Variants in EXOC5 observed in about 807,000 individuals in gnomAD.
EXOC5 encodes exocyst complex component 5.
A neutral mutation model predicts 90.8 loss-of-function variants in EXOC5; 17 were observed. The observed-to-expected ratio is 0.19, with a 90% confidence interval of 0.13 to 0.28. The LOEUF (loss-of-function observed/expected upper bound fraction) is 0.28, where lower values mean the gene tolerates loss of function less well. Among genes scored for constraint, EXOC5 ranks in the 10% least tolerant of loss-of-function variants. The pLI is 1.00. For missense variants in EXOC5, 569 were observed against 830.6 expected, an observed-to-expected ratio of 0.69 and a Z score of 3.87; for synonymous variants, 260 against 270.0, an observed-to-expected ratio of 0.96 and a Z score of 0.36.
At chr14:57,237,971 A>G (rs1883714807) in intron 5 of EXOC5, among the ~76,000 whole-genome samples, 1 of 152,050 alleles carries the variant, frequency 6.6e-6, no homozygotes. Context: ...ATTTTTTCAA[A>G]TCTCAAATAT....
chr14:57,208,474 G>A lies in EXOC5; in HGVS notation c.*135C>T, dbSNP rs1594643269. 1.7e-6 allele frequency: 1 copy of A among 572,378 alleles called. No individual in the cohort carries two copies. The highest frequency in any genetic ancestry group is 3.9e-5 in the South Asian group (1 of 25,392). The allele number at this position is 572,378 out of a possible 1,614,324, so 35.5% of individuals were successfully genotyped here. The stretch of plus-strand genomic sequence containing the variant: ...CAAAGGTAAGTATGGCTGCTGTTTT[G>A]TTCCAGTCATTGTTTCACAAAATGT... On this transcript the variant is annotated 3_prime_UTR_variant, in exon 18 of 18. Transcript: ENST00000621441.
At chr14:57,260,939 C>G (rs189819994) in intron 1 of EXOC5, among the ~76,000 whole-genome samples, 5 of 152,204 alleles carry the variant, frequency 3.3e-5, no homozygotes, top group African/African-American at 9.6e-5. Flanking sequence ...AATATTCTTA[C>G]AGGCATTTAA....
chr14:57,211,535 C>T (rs1882824783), intron 15 of EXOC5, among the ~76,000 whole-genome samples: 3 of 152,142 alleles, frequency 2.0e-5, no homozygotes, highest in Admixed American at 2.0e-4. Context: ...CTGGCAACAG[C>T]ATATACAGCA....
chr14:57,232,723 T>A lies in EXOC5; in HGVS notation c.882A>T (p.Glu294Asp), dbSNP rs1444544061. 2 of 1,543,588 alleles carry A rather than the reference T, an allele frequency of 1.3e-6. No individual in the cohort carries two copies. Among genetic ancestry groups the A allele is most frequent in the Non-Finnish European group, 1.8e-6 (2 of 1,127,066 alleles). ...LQSFVKEQLEECRKSDAEQYL... is the reference protein window; with the variant it reads ...LQSFVKEQLEDCRKSDAEQYL... ...ATTGCTCTGCATCGGACTTCCTACA[T>A]TCTTCTAACTGCTCTTTCACAAAAC... Residue 294 changes from glutamate (E) to aspartate (D), a missense_variant, in exon 10 of 18, where the codon GAA becomes GAT. This residue lies in a region of EXOC5 where 114 missense variants were observed against 111.2 expected (regional missense o/e 1.03). Coordinates refer to ENST00000621441, the MANE Select transcript of EXOC5 (RefSeq NM_006544.4).
chr14:57,231,499 TACTC>T lies in EXOC5; in HGVS notation c.1148+3_1148+6del. 6.3e-7 allele frequency: 1 copy of T among 1,589,380 alleles called. No individual in the cohort carries two copies. Among genetic ancestry groups the T allele is most frequent in the Non-Finnish European group, 8.6e-7 (1 of 1,169,292 alleles). On this transcript the variant is annotated splice_donor_5th_base_variant and intron_variant, in intron 11 of 17. Transcript: ENST00000621441. ...TTTTAACAGAAGTATTTAACAAAAA[TACTC>T]ACCCTCCTGTGCCAATGGATCTCTT...
chr14:57,250,351 T>C (rs1028710146), intron 1 of EXOC5, among the ~76,000 whole-genome samples: 4 of 152,268 alleles, frequency 2.6e-5, no homozygotes, highest in African/African-American at 7.2e-5. Flanking sequence ...TTCCCTGTTA[T>C]TGACTGAAGA....
chr14:57,257,556 A>G (rs1164148347), intron 1 of EXOC5, among the ~76,000 whole-genome samples: 1 of 152,168 alleles, frequency 6.6e-6, no homozygotes, highest in Non-Finnish European at 1.5e-5. Flanking sequence ...GTGGAAGAAA[A>G]TAAGAGGTCA....
intron 12 of EXOC5, among the ~76,000 whole-genome samples, chr14:57,226,117 C>A (rs10133137): frequency 0.24 from 37,029 of 152,150 alleles, 10,874 homozygotes; most frequent in African/African-American, 0.71. Context: ...CTTTGTCCTG[C>A]AACTGTGAAG....
chr14:57,237,915 CCATT>C (rs769956766), intron 5 of EXOC5, among the ~76,000 whole-genome samples: 5 of 151,918 alleles, frequency 3.3e-5, no homozygotes, highest in Non-Finnish European at 5.9e-5. Flanking sequence ...AGCAGAGTAG[CCATT>C]CAATCTTTAC....
At position 57,246,794 on chromosome 14, in the gene EXOC5, T is replaced by C; in HGVS notation, c.187A>G (p.Lys63Glu). The C allele has an allele frequency of 6.2e-7, 1 of 1,604,760 alleles. No individual in the cohort carries two copies. The highest frequency in any genetic ancestry group is 8.5e-7 in the Non-Finnish European group (1 of 1,173,972). ...LQIMDERIQR[K>E]VEKLEQQCQK... ...CATTGTTGCTCTAGTTTCTCTACTT[T>C]CCTCTGAATCCTTTCATCCATTATC... The change falls in exon 3 of 18, where the codon AAA becomes GAA. Residue 63 changes from lysine (K) to glutamate (E), a missense_variant. Lys to Glu is a moderately conservative substitution (Grantham distance 56). This residue lies in a region of EXOC5 where 45 missense variants were observed against 44.6 expected (regional missense o/e 1.01). Transcript: ENST00000621441.
chr14:57,235,410 T>C (rs949644539), intron 7 of EXOC5, among the ~76,000 whole-genome samples: 3 of 152,068 alleles, frequency 2.0e-5, no homozygotes, highest in East Asian at 3.9e-4. Flanking sequence ...TATTATAATA[T>C]GTGGAAGCAA....
intron 4 of EXOC5, among the ~76,000 whole-genome samples, chr14:57,240,518 G>A (rs1330700337): frequency 6.6e-6 from 1 of 152,064 alleles, no homozygotes; most frequent in East Asian, 1.9e-4. Flanking sequence ...CTGACCTTAG[G>A]TGATCCGCCC....
At chr14:57,266,742 T>C (rs1884681129) in intron 1 of EXOC5, among the ~76,000 whole-genome samples, 1 of 150,176 alleles carries the variant, frequency 6.7e-6, no homozygotes, top group African/African-American at 2.4e-5. Context: ...TGTGTATATA[T>C]ATATATATAT....
intron 7 of EXOC5, among the ~76,000 whole-genome samples, 188 bp from the exon 8 acceptor site, chr14:57,234,220 T>C (rs542163561): frequency 1.3e-5 from 2 of 152,176 alleles, no homozygotes; most frequent in African/African-American, 4.8e-5. Flanking sequence ...GTCTCCCTAG[T>C]CACTTTCTAT....
chr14:57,228,011 T>TAC (rs60151728), intron 12 of EXOC5, among the ~76,000 whole-genome samples: 8,847 of 144,164 alleles, frequency 0.061, 531 homozygotes, highest in African/African-American at 0.16. Context: ...TATATATACA[T>TAC]ACACACACAC....
At chr14:57,211,359 T>C (rs1283634856) in intron 15 of EXOC5, among the ~76,000 whole-genome samples, 1 of 152,192 alleles carries the variant, frequency 6.6e-6, no homozygotes, top group Non-Finnish European at 1.5e-5. Context: ...GGACTCTAAA[T>C]GTATTATTTT....
chr14:57,206,046 A>G lies in EXOC5; in HGVS notation c.*2563T>C, dbSNP rs1326230988. On this transcript the variant is annotated 3_prime_UTR_variant, in exon 18 of 18. Coordinates refer to ENST00000621441, the MANE Select transcript of EXOC5 (RefSeq NM_006544.4). ...TTCCTTTATTAAATTCGTATTCTGT[A>G]TTTCAGATATTTCTCAATTTTAGAA... is the stretch of plus-strand genomic sequence containing the variant. 1 of 448,222 alleles carries G rather than the reference A, an allele frequency of 2.2e-6. No individual in the cohort carries two copies. The highest frequency in any genetic ancestry group is 7.0e-5 in the East Asian group (1 of 14,362). The allele number at this position is 448,222 out of a possible 1,614,324, so 27.8% of individuals were successfully genotyped here.
chr14:57,249,999 C>T (rs1198491912), intron 1 of EXOC5, among the ~76,000 whole-genome samples: 2 of 151,980 alleles, frequency 1.3e-5, no homozygotes, highest in African/African-American at 4.8e-5. Context: ...CTCAAACTCC[C>T]AACCTCAGAT....
chr14:57,240,602 A>C (rs1230260020), intron 4 of EXOC5, among the ~76,000 whole-genome samples: 2 of 152,004 alleles, frequency 1.3e-5, no homozygotes, highest in Non-Finnish European at 2.9e-5. Flanking sequence ...AAATTTATTC[A>C]AGTTGTGGAA....
Sources: gnomAD v4.1 joint callset for allele counts (sites outside exome capture counted in the v4.1 genomes callset) on GRCh38, gnomAD v4.1.1 for gene constraint, gnomAD v4.1.1 regional missense constraint, MANE v1.5 for transcripts, NCBI Gene and HGNC (gene_info 2026-07-23, HGNC 2026-07-21) for gene names.